RAB11FIP3: variants seen among roughly 807,000 people sequenced by gnomAD.
RAB11FIP3 encodes RAB11 family interacting protein 3, also known as rab11 family-interacting protein 3.
A neutral mutation model predicts 77.8 loss-of-function variants in RAB11FIP3; 17 were observed. That is an observed-to-expected ratio of 0.22 (90% CI 0.15 to 0.33). The LOEUF (loss-of-function observed/expected upper bound fraction) is 0.33, where lower values mean the gene tolerates loss of function less well. Ranked by LOEUF, RAB11FIP3 falls within the 10% of genes least tolerant of loss-of-function variation. The pLI is 1.00. For synonymous variants in RAB11FIP3, 437 were observed against 448.2 expected (o/e 0.98, Z 0.31); for missense variants, 1,005 against 1,011.2 (o/e 0.99, Z 0.08).
At chr16:453,125 G>T (rs144913945) in intron 1 of RAB11FIP3, among the ~76,000 whole-genome samples, 2,117 of 149,226 alleles carry the variant, frequency 0.014, 26 homozygotes, top group Non-Finnish European at 0.019. Flanking sequence ...GCCCAGGCTA[G>T]AGTGCAGTGA....
At chr16:440,284 T>A (rs1360606560) in intron 1 of RAB11FIP3, among the ~76,000 whole-genome samples, 1 of 152,188 alleles carries the variant, frequency 6.6e-6, no homozygotes, top group African/African-American at 2.4e-5. Context: ...TTCTTTTTAT[T>A]AAAGATTTAC....
At chr16:431,031 T>C (rs573505692) in intron 1 of RAB11FIP3, among the ~76,000 whole-genome samples, 5 of 152,252 alleles carry the variant, frequency 3.3e-5, no homozygotes, top group Admixed American at 1.3e-4. Context: ...TCCAGTCTCT[T>C]AGCCTTGAAT....
In RAB11FIP3 at chr16:519,780, A is replaced by G. The variant is rs2032587502; in HGVS notation, c.1749A>G (p.Ile583Met). The change falls in exon 11 of 14, where the codon ATA becomes ATG. Residue 583 changes from isoleucine to methionine, a missense_variant. Coordinates refer to ENST00000262305, the MANE Select transcript of RAB11FIP3 (RefSeq NM_014700.4). ...EEEKQKLLDE[I>M]ESLTLRLSEE... is the part of the protein sequence containing the mutation. ...AGAAGCAGAAGCTGTTGGATGAGAT[A>G]GAGTCGCTGACGCTGCGGCTCAGTG... is the stretch of plus-strand genomic sequence containing the variant. The G allele has an allele frequency of 6.2e-7, 1 of 1,612,500 alleles. No individual in the cohort carries two copies. The highest frequency in any genetic ancestry group is 1.1e-5 in the South Asian group (1 of 90,810).
At chr16:447,221 CT>C (rs1406490541) in intron 1 of RAB11FIP3, among the ~76,000 whole-genome samples, 1 of 151,992 alleles carries the variant, frequency 6.6e-6, no homozygotes, top group Non-Finnish European at 1.5e-5. Context: ...AGGAGGATCA[CT>C]TGAGGCCAGG....
intron 6 of RAB11FIP3, among the ~76,000 whole-genome samples, chr16:498,386 A>T (rs916204075): frequency 5.3e-5 from 8 of 152,096 alleles, no homozygotes; most frequent in Non-Finnish European, 1.2e-4. Context: ...CGTTGCCCAG[A>T]CTGATCTTGA....
chr16:510,240 C>T (rs1037351182), intron 8 of RAB11FIP3, among the ~76,000 whole-genome samples: 12 of 151,756 alleles, frequency 7.9e-5, no homozygotes, highest in Admixed American at 1.3e-4. Flanking sequence ...ACCTCCACGC[C>T]CCGTCCCGAG....
At chr16:470,085 C>T (rs1215365838) in intron 2 of RAB11FIP3, among the ~76,000 whole-genome samples, 1 of 152,096 alleles carries the variant, frequency 6.6e-6, no homozygotes, top group African/African-American at 2.4e-5. Context: ...AAACATCCGC[C>T]TCCCAGGTTC....
At chr16:427,582 C>T (rs764856941) in intron 1 of RAB11FIP3, among the ~76,000 whole-genome samples, 1 of 152,194 alleles carries the variant, frequency 6.6e-6, no homozygotes, top group Non-Finnish European at 1.5e-5. Flanking sequence ...TGTGTTCTGC[C>T]AATAACCCGG....
At chr16:428,195 C>T (rs755536161) in intron 1 of RAB11FIP3, among the ~76,000 whole-genome samples, 6 of 152,060 alleles carry the variant, frequency 3.9e-5, no homozygotes, top group African/African-American at 7.3e-5. Context: ...CAGACAGGTG[C>T]GTGCGGGGCA....
At chr16:496,329 G>A (rs181121672) in intron 5 of RAB11FIP3, among the ~76,000 whole-genome samples, 1 of 152,356 alleles carries the variant, frequency 6.6e-6, no homozygotes, top group African/African-American at 2.4e-5. Flanking sequence ...TATATTTACT[G>A]CCCTGAAATG....
intron 1 of RAB11FIP3, among the ~76,000 whole-genome samples, chr16:443,974 A>G (rs1310681240): frequency 6.6e-6 from 1 of 152,200 alleles, no homozygotes; most frequent in Non-Finnish European, 1.5e-5. Context: ...ACGGAGTTTC[A>G]GTTTGTATTT....
intron 5 of RAB11FIP3, among the ~76,000 whole-genome samples, chr16:489,925 G>A (rs552582938): frequency 1.1e-4 from 16 of 152,334 alleles, no homozygotes; most frequent in Non-Finnish European, 1.8e-4. Flanking sequence ...GGAGAGCTGT[G>A]CATGAGTGAG....
At chr16:513,606 G>C (rs2032280606) in intron 9 of RAB11FIP3, among the ~76,000 whole-genome samples, 2 of 152,198 alleles carry the variant, frequency 1.3e-5, no homozygotes, top group South Asian at 4.1e-4. Context: ...TTTTTAAACT[G>C]AGCATGTACT....
At chr16:440,159 A>G (rs545831181) in intron 1 of RAB11FIP3, among the ~76,000 whole-genome samples, 7 of 150,838 alleles carry the variant, frequency 4.6e-5, no homozygotes, top group Non-Finnish European at 8.8e-5. Flanking sequence ...GTTGATTAAT[A>G]TTTATTTCTT....
In RAB11FIP3 at chr16:472,615, G is replaced by A. The variant is rs1036489620; in HGVS notation, c.903+1226G>A. ...CCAGAGCCCTTGGTCTGCAACGTCC[G>A]GGGAACTGTGTGTTCCTGGGCGTTC... is the stretch of plus-strand genomic sequence containing the variant. On this transcript the variant is annotated intron_variant, in intron 3 of 13. Transcript: ENST00000262305. This position sits in a 1 kb window ranked among gnomAD's most constrained non-coding sequence, Gnocchi z 4.1. Among the ~76,000 whole-genome samples the A allele has an allele frequency of 1.3e-5, 2 of 152,274 alleles. No homozygotes were observed. Among genetic ancestry groups the A allele is most frequent in the East Asian group, 3.9e-4 (2 of 5,180 alleles).
intron 2 of RAB11FIP3, among the ~76,000 whole-genome samples, chr16:470,485 G>C (rs1180740783): frequency 6.6e-6 from 1 of 152,204 alleles, no homozygotes; most frequent in Non-Finnish European, 1.5e-5. Context: ...TTGTGTTAAA[G>C]GTATTAAGTA....
chr16:518,449 C>T (rs985582334), intron 9 of RAB11FIP3, among the ~76,000 whole-genome samples: 94 of 151,978 alleles, frequency 6.2e-4, no homozygotes, highest in African/African-American at 2.2e-3. Context: ...CGTGGATGGC[C>T]GGCGGGGTGG....
At chr16:492,426 CCCGGG>C (rs2030521336) in intron 5 of RAB11FIP3, among the ~76,000 whole-genome samples, 11 of 81,094 alleles carry the variant, frequency 1.4e-4, no homozygotes, top group African/African-American at 2.7e-4. Context: ...CAGGGCCCTC[CCCGGG>C]AGACCCGAGG....
rs1165574407 is a variant in RAB11FIP3, at chr16:497,344, T to C, written c.1301+485T>C. 1.5e-5 allele frequency: 20 copies of C among 1,303,886 alleles called. No homozygotes were observed. In the Admixed American group the frequency reaches 2.5e-4, roughly 16 times the overall value. 80.8% of individuals were successfully genotyped at this position (1,303,886 alleles called of 1,614,324 possible). On this transcript the variant is annotated intron_variant, in intron 6 of 13. Transcript: ENST00000262305. ...TGTGAAAGATGGCAACATACACTTT[T>C]ATCTTCCTCCCCTGCCAGTTCTTAC...
Sources: gnomAD v4.1 joint callset for allele counts (sites outside exome capture counted in the v4.1 genomes callset) on GRCh38, gnomAD v4.1.1 for gene constraint, Gnocchi (gnomAD v3.1) non-coding constraint, MANE v1.5 for transcripts, NCBI Gene and HGNC (gene_info 2026-07-23, HGNC 2026-07-21) for gene names.